XRN1: variants seen among roughly 807,000 people sequenced by gnomAD.
XRN1 encodes strand-exchange protein 1 homolog.
A neutral mutation model predicts 222.3 loss-of-function variants in XRN1; 67 were observed. The observed-to-expected ratio is 0.30, with a 90% CI of 0.25 to 0.37. The LOEUF (loss-of-function observed/expected upper bound fraction) is 0.37. Among genes scored for constraint, XRN1 ranks in the 10% least tolerant of loss-of-function variants. XRN1 has a pLI of 1.00. For missense variants in XRN1, 1,707 were observed against 2,000.2 expected, an observed-to-expected ratio of 0.85 and a Z score of 2.80; for synonymous variants, 643 against 652.4, an observed-to-expected ratio of 0.99 and a Z score of 0.22.
intron 1 of XRN1, among the ~76,000 whole-genome samples, chr3:142,442,874 C>T (rs1449615118): frequency 2.6e-5 from 4 of 152,176 alleles, no homozygotes; most frequent in Non-Finnish European, 5.9e-5. Flanking sequence ...GCTGGGACTA[C>T]GGGCGCCCAA....
chr3:142,426,309 A>G (rs574165561), intron 3 of XRN1, among the ~76,000 whole-genome samples: 14 of 152,320 alleles, frequency 9.2e-5, no homozygotes, highest in African/African-American at 3.4e-4. Context: ...AAAAATCTTA[A>G]CTAATTTTGA....
intron 34 of XRN1, among the ~76,000 whole-genome samples, chr3:142,334,171 T>C (rs1291427008): frequency 1.3e-5 from 2 of 152,186 alleles, no homozygotes; most frequent in African/African-American, 4.8e-5. Flanking sequence ...ACCAAAGATG[T>C]CTATTGAACA....
In XRN1 at chr3:142,363,507, T is replaced by C. The variant is rs191639058; in HGVS notation, c.3394+1540A>G. 7.9e-5 allele frequency among the ~76,000 whole-genome samples: 12 copies of C among 152,190 alleles called. No individual in the cohort carries two copies. The East Asian group carries it at 1.2e-3, about 15-fold the overall frequency. ...TCTAATTATATTCCATTGATCTATA[T>C]GTCATCTTCATATTAATTCACACCG... On this transcript the variant is annotated intron_variant, in intron 29 of 40. Transcript: ENST00000392981.
At chr3:142,424,490 T>TCA (rs2069170656) in intron 5 of XRN1, among the ~76,000 whole-genome samples, 2 of 152,272 alleles carry the variant, frequency 1.3e-5, no homozygotes, top group Admixed American at 1.3e-4. Flanking sequence ...ATTTCAATCT[T>TCA]GATTCAAACA....
intron 1 of XRN1, among the ~76,000 whole-genome samples, chr3:142,441,874 T>C (rs1474995560): frequency 6.6e-6 from 1 of 152,204 alleles, no homozygotes; most frequent in Non-Finnish European, 1.5e-5. Context: ...CCTTGACGGA[T>C]CCTGACCTCA....
At chr3:142,371,171 C>A (rs1187189168) in intron 26 of XRN1, 68 bp downstream of exon 26, 13 of 1,237,680 alleles carry the variant, frequency 1.1e-5, no homozygotes, top group African/African-American at 4.6e-5. Flanking sequence ...CTTGAGAAAC[C>A]AGCTGCAGTT....
intron 15 of XRN1, among the ~76,000 whole-genome samples, chr3:142,406,373 C>T (rs1027063084): frequency 1.3e-5 from 2 of 152,178 alleles, no homozygotes; most frequent in African/African-American, 4.8e-5. Flanking sequence ...AAAACCTAAA[C>T]ATTAAGACCT....
intron 33 of XRN1, among the ~76,000 whole-genome samples, chr3:142,336,000 T>A (rs900964879): frequency 6.6e-6 from 1 of 152,218 alleles, no homozygotes; most frequent in African/African-American, 2.4e-5. Context: ...GATTAAAATA[T>A]GGCCATAGCC....
chr3:142,332,940 G>A (rs897538985), intron 35 of XRN1, 27 bp downstream of exon 35: 5 of 1,610,486 alleles, frequency 3.1e-6, no homozygotes, highest in Non-Finnish European at 4.2e-6. Flanking sequence ...AATTACCACA[G>A]TAAGAAAGTT....
intron 2 of XRN1, among the ~76,000 whole-genome samples, chr3:142,428,628 G>T (rs1409811330): frequency 6.6e-6 from 1 of 152,146 alleles, no homozygotes; most frequent in Non-Finnish European, 1.5e-5. Context: ...GGATAAAGAG[G>T]ACTGGATGTG....
chr3:142,322,831 C>T (rs1276525677), intron 37 of XRN1, among the ~76,000 whole-genome samples: 6 of 151,912 alleles, frequency 3.9e-5, no homozygotes, highest in African/African-American at 1.2e-4. Context: ...GGTGAAACCC[C>T]GTCTCTATTA....
intron 1 of XRN1, among the ~76,000 whole-genome samples, chr3:142,445,873 C>T (rs141074643): frequency 1.3e-5 from 2 of 152,278 alleles, no homozygotes; most frequent in Admixed American, 6.5e-5. Context: ...TTTCAGCTAC[C>T]GCTATCTAAT....
intron 23 of XRN1, among the ~76,000 whole-genome samples, chr3:142,377,331 A>T (rs895937708): frequency 6.6e-6 from 1 of 152,192 alleles, no homozygotes; most frequent in Non-Finnish European, 1.5e-5. Flanking sequence ...CATCATGTAC[A>T]TAACAATAAA....
At chr3:142,360,115 C>T (rs956544970) in intron 29 of XRN1, among the ~76,000 whole-genome samples, 184 bp from the exon 30 acceptor site, 14 of 152,118 alleles carry the variant, frequency 9.2e-5, no homozygotes, top group African/African-American at 3.4e-4. Flanking sequence ...AAACAGAATA[C>T]CAGTGCCTTA....
In XRN1 at chr3:142,376,461, T is replaced by C. The variant is rs777804205; in HGVS notation, c.2831+18A>G. 1.9e-6 allele frequency: 3 copies of C among 1,567,480 alleles called. No individual in the cohort carries two copies. The highest frequency in any genetic ancestry group is 2.6e-6 in the Non-Finnish European group (3 of 1,142,312). On this transcript the variant is annotated intron_variant, in intron 24 of 40. Coordinates refer to ENST00000392981, the MANE Select transcript of XRN1 (RefSeq NM_001282857.2). ...ATTTTTCTGCCACTTTAAGTAAATT[T>C]CTCTAACATAAACTTACTTTCTCCT...
At chr3:142,416,140 A>G (rs1317896661) in intron 13 of XRN1, among the ~76,000 whole-genome samples, 1 of 151,946 alleles carries the variant, frequency 6.6e-6, no homozygotes, top group African/African-American at 2.4e-5. Context: ...CCCTTCCTAG[A>G]AGTAAGCCCA....
chr3:142,412,719 T>C, intron 14 of XRN1, 56 bp from the exon 15 acceptor site: 1 of 1,285,358 alleles, frequency 7.8e-7, no homozygotes, highest in Non-Finnish European at 1.0e-6. Flanking sequence ...CAATATAGTT[T>C]TTTGTTAATG....
chr3:142,414,097 T>C (rs1201275661), intron 14 of XRN1, 38 bp downstream of exon 14: 2 of 1,524,026 alleles, frequency 1.3e-6, no homozygotes, highest in Non-Finnish European at 8.8e-7. Flanking sequence ...CTTCTAAATA[T>C]CAAAAAGGAC....
Position 142,404,992 on chromosome 3 carries a change from T to A in XRN1, c.1798A>T (p.Met600Leu). Residue 600 changes from methionine to leucine, a missense_variant, in exon 16 of 41, where the codon ATG becomes TTG. Coordinates refer to ENST00000392981, the MANE Select transcript of XRN1 (RefSeq NM_001282857.2). ...RKRNQHSECL[M>L]CWYDRDTEFI... ...TCTGTGTCTCTATCATACCAGCACATTAGGCACTCACTATGTTGGTTTCTT... is the reference window on the plus strand; with the variant it reads ...TCTGTGTCTCTATCATACCAGCACAATAGGCACTCACTATGTTGGTTTCTT... 6.2e-7 allele frequency: 1 copy of A among 1,613,960 alleles called. No homozygotes were observed. Among genetic ancestry groups the A allele is most frequent in the Non-Finnish European group, 8.5e-7 (1 of 1,179,854 alleles).
Sources: gnomAD v4.1 joint callset for allele counts (sites outside exome capture counted in the v4.1 genomes callset) on GRCh38, gnomAD v4.1.1 for gene constraint, MANE v1.5 for transcripts, NCBI Gene and HGNC (gene_info 2026-07-23, HGNC 2026-07-21) for gene names.